The following TFEC variants were observed in gnomAD, a reference collection of about 807,000 sequenced individuals.
TFEC encodes the protein class E basic helix-loop-helix protein 34.
TFEC carries 31 observed loss-of-function variants against 41.6 expected under a neutral mutation model. The ratio of observed to expected loss-of-function variants is 0.74; its 90% CI spans 0.56 to 1.01. The LOEUF (loss-of-function observed/expected upper bound fraction) is 1.01. TFEC is among the 50% of genes least tolerant of loss of function. TFEC has a pLI of 0.00. For synonymous variants in TFEC, 143 were observed against 140.6 expected, an observed-to-expected ratio of 1.02 and a Z score of -0.12; for missense variants, 402 against 404.1, an observed-to-expected ratio of 0.99 and a Z score of 0.04.
intron 1 of TFEC, among the ~76,000 whole-genome samples, chr7:116,000,281 C>CA (rs1438568468): frequency 6.6e-6 from 1 of 151,924 alleles, no homozygotes; most frequent in African/African-American, 2.4e-5. Flanking sequence ...TAAAAACCCT[C>CA]AAAAAACTGA....
intron 3 of TFEC, among the ~76,000 whole-genome samples, chr7:116,046,016 T>C (rs1461323829): frequency 6.6e-6 from 1 of 152,238 alleles, no homozygotes; most frequent in Non-Finnish European, 1.5e-5. Context: ...CCATTTGGAA[T>C]GGCTATATTT....
At chr7:116,093,283 T>C (rs6979173) in intron 3 of TFEC, among the ~76,000 whole-genome samples, 15,356 of 152,068 alleles carry the variant, frequency 0.1, 845 homozygotes, top group African/African-American at 0.14. Flanking sequence ...AATCTACAGG[T>C]ACAATTCTTA....
intron 1 of TFEC, among the ~76,000 whole-genome samples, chr7:116,013,499 A>G (rs1795078481): frequency 6.6e-6 from 1 of 152,124 alleles, no homozygotes. Flanking sequence ...TCAGAATGCA[A>G]AACAATAGCC....
chr7:116,007,434 C>A (rs1401792372), intron 1 of TFEC, among the ~76,000 whole-genome samples: 1 of 152,154 alleles, frequency 6.6e-6, no homozygotes, highest in Non-Finnish European at 1.5e-5. Flanking sequence ...ATTTTAAAAT[C>A]TCCTGGTAGT....
chr7:115,941,283 T>C (rs1050973874), intron 7 of TFEC: 1 of 180,786 alleles, frequency 5.5e-6, no homozygotes, highest in African/African-American at 2.4e-5. Context: ...GCAGGACCTT[T>C]TCATGGAAAC....
rs771242850 is a variant in TFEC, at chr7:116,002,074, G to A, written c.-72-17561C>T. On this transcript the variant is annotated intron_variant, in intron 1 of 7. Transcript: ENST00000265440. ...AAAAAAGAACCCTTGTACCCTCTTC[G>A]TGGGAATGTAAGTTAGTACAACCAC... 6.6e-5 allele frequency among the ~76,000 whole-genome samples: 10 copies of A among 152,286 alleles called. No individual in the cohort carries two copies. In the East Asian group the frequency reaches 7.7e-4, roughly 12 times the overall value.
chr7:116,093,281 G>C (rs909845367), intron 3 of TFEC, among the ~76,000 whole-genome samples: 1 of 151,938 alleles, frequency 6.6e-6, no homozygotes, highest in Non-Finnish European at 1.5e-5. Context: ...AAAATCTACA[G>C]GTACAATTCT....
chr7:116,018,910 A>C (rs950824464), intron 1 of TFEC, among the ~76,000 whole-genome samples: 8 of 152,214 alleles, frequency 5.3e-5, no homozygotes, highest in African/African-American at 1.7e-4. Flanking sequence ...AGCAGCCTGG[A>C]GGCTGAGCTG....
chr7:116,143,935 C>T (rs1277220251), intron 1 of TFEC, among the ~76,000 whole-genome samples: 1 of 152,098 alleles, frequency 6.6e-6, no homozygotes, highest in African/African-American at 2.4e-5. Context: ...AAAGGTAGAG[C>T]CTCGCCGAGC....
chr7:116,015,563 C>A (rs1239824160), intron 1 of TFEC, among the ~76,000 whole-genome samples: 3 of 151,220 alleles, frequency 2.0e-5, no homozygotes, highest in Non-Finnish European at 4.4e-5. Context: ...ATCCCTCAGG[C>A]AATAATATAA....
chr7:116,144,771 A>C (rs1205127164), intron 1 of TFEC, among the ~76,000 whole-genome samples: 1 of 152,248 alleles, frequency 6.6e-6, no homozygotes, highest in Non-Finnish European at 1.5e-5. Flanking sequence ...CAGAAGAAGC[A>C]GCAATTCTGC....
chr7:116,048,172 T>C (rs2130943900), intron 3 of TFEC, among the ~76,000 whole-genome samples: 1 of 152,198 alleles, frequency 6.6e-6, no homozygotes, highest in African/African-American at 2.4e-5. Context: ...TTGGTAATAA[T>C]AAACTTCTCC....
intron 1 of TFEC, among the ~76,000 whole-genome samples, chr7:116,128,000 G>A (rs1308125244): frequency 6.6e-6 from 1 of 152,016 alleles, no homozygotes; most frequent in Non-Finnish European, 1.5e-5. Context: ...ACTAAAGCCA[G>A]CCAAAAACCA....
In TFEC at chr7:116,125,774, C is replaced by T. The variant is rs552158293; in HGVS notation, c.-68-13736G>A. 9.9e-5 allele frequency among the ~76,000 whole-genome samples: 15 copies of T among 152,160 alleles called. No homozygotes were observed. The South Asian group carries it at 2.9e-3, about 29-fold the overall frequency. On this transcript the variant is annotated intron_variant, in intron 1 of 8. Transcript: ENST00000484212. The stretch of plus-strand genomic sequence containing the variant: ...CAAAAGAGGGTAAGGTTGGTGCCTC[C>T]GGGGATTGGACAACTTCAGTAAGAC...
chr7:116,159,598 C>T (rs771900626), intron 1 of TFEC, among the ~76,000 whole-genome samples: 1 of 152,028 alleles, frequency 6.6e-6, no homozygotes, highest in Non-Finnish European at 1.5e-5. Flanking sequence ...AATCAAATAT[C>T]ATCCATAAAA....
chr7:116,007,290 G>A (rs937379583), intron 1 of TFEC, among the ~76,000 whole-genome samples: 3 of 152,054 alleles, frequency 2.0e-5, no homozygotes, highest in African/African-American at 7.3e-5. Context: ...ATGATTTCAG[G>A]GTATTTGGTA....
At chr7:115,987,688 C>T (rs1011742708) in intron 1 of TFEC, among the ~76,000 whole-genome samples, 1 of 152,074 alleles carries the variant, frequency 6.6e-6, no homozygotes, top group Admixed American at 6.6e-5. Flanking sequence ...TGCTCAACTG[C>T]TATGCTTCTT....
intron 1 of TFEC, among the ~76,000 whole-genome samples, chr7:116,130,586 T>A (rs1375955175): frequency 6.6e-6 from 1 of 152,190 alleles, no homozygotes; most frequent in Non-Finnish European, 1.5e-5. Flanking sequence ...TCTTCAGTCC[T>A]GCTGTCTTTA....
At chr7:116,118,924 T>C (rs1338145116) in intron 1 of TFEC, among the ~76,000 whole-genome samples, 1 of 151,788 alleles carries the variant, frequency 6.6e-6, no homozygotes, top group Non-Finnish European at 1.5e-5. Context: ...AATAACTATC[T>C]GTGTCAAAAA....
Sources: allele counts gnomAD v4.1 joint callset (sites outside exome capture counted in the v4.1 genomes callset), GRCh38; gene constraint gnomAD v4.1.1; transcripts MANE v1.5; gene names NCBI Gene and HGNC (gene_info 2026-07-23, HGNC 2026-07-21).